The following RFC3 variants were observed in gnomAD, a reference collection of about 807,000 sequenced individuals.
RFC3 encodes the protein A1 38 kDa subunit.
A neutral mutation model predicts 45.1 loss-of-function variants in RFC3; 41 were observed. The observed-to-expected ratio is 0.91, with a 90% CI of 0.71 to 1.18. RFC3 has a LOEUF of 1.18. RFC3 is among the 50% of genes most tolerant of loss of function. The pLI, the probability that RFC3 is intolerant of heterozygous loss-of-function variation, is 0.00. For synonymous variants in RFC3, 149 were observed against 144.0 expected, an observed-to-expected ratio of 1.03 and a Z score of -0.25; for missense variants, 423 against 428.1, an observed-to-expected ratio of 0.99 and a Z score of 0.10.
exon 9 of RFC3, chr13:33,966,142 A>C (rs751534423): frequency 3.0e-5 from 48 of 1,597,348 alleles, no homozygotes; most frequent in Admixed American, 5.0e-5. Flanking sequence ...CCAAAGAACA[A>C]CTTGCTACTG....
At chr13:33,932,647 A>G (rs572466938) in intron 8 of RFC3, among the ~76,000 whole-genome samples, 15 of 152,302 alleles carry the variant, frequency 9.8e-5, no homozygotes, top group Non-Finnish European at 1.9e-4. Context: ...GTACAGAGAA[A>G]GAATTACTCT....
intron 7 of RFC3, 110 bp from the exon 8 acceptor site, chr13:33,835,038 A>G: frequency 1.6e-6 from 1 of 625,354 alleles, no homozygotes; most frequent in Non-Finnish European, 2.8e-6. Flanking sequence ...AAAGTTGTTA[A>G]TTCTGTATTG....
intron 8 of RFC3, among the ~76,000 whole-genome samples, chr13:33,946,430 A>G (rs1334609192): frequency 6.6e-6 from 1 of 152,202 alleles, no homozygotes; most frequent in East Asian, 1.9e-4. Context: ...AGGACTCCCA[A>G]GAGCTTTTGT....
intron 8 of RFC3, among the ~76,000 whole-genome samples, chr13:33,964,864 T>G (rs1443580808): frequency 6.6e-6 from 1 of 152,202 alleles, no homozygotes; most frequent in Non-Finnish European, 1.5e-5. Flanking sequence ...ATACAGGTGG[T>G]CTCTATGTCC....
At chr13:33,865,366 G>A (rs2082366680) in intron 8 of RFC3, among the ~76,000 whole-genome samples, 2 of 152,228 alleles carry the variant, frequency 1.3e-5, no homozygotes, top group African/African-American at 2.4e-5. Flanking sequence ...ACCCTCTCTA[G>A]TGACAGCTCT....
chr13:33,907,084 A>G (rs1468508948), intron 8 of RFC3, among the ~76,000 whole-genome samples: 1 of 152,188 alleles, frequency 6.6e-6, no homozygotes, highest in East Asian at 1.9e-4. Flanking sequence ...TCAGCCTCTC[A>G]GAATGCTGGG....
chr13:33,942,305 T>C (rs950428913), intron 8 of RFC3, among the ~76,000 whole-genome samples: 1 of 152,098 alleles, frequency 6.6e-6, no homozygotes, highest in African/African-American at 2.4e-5. Context: ...GAAGGTATTA[T>C]TTTATTTTAT....
chr13:33,829,462 A>G (rs1166061315), intron 4 of RFC3: 1 of 211,258 alleles, frequency 4.7e-6, no homozygotes, highest in Non-Finnish European at 9.3e-6. Flanking sequence ...TTTCTACTAC[A>G]AAGTGACCTT....
chr13:33,875,947 T>G (rs1231365291), intron 8 of RFC3, among the ~76,000 whole-genome samples: 1 of 152,110 alleles, frequency 6.6e-6, no homozygotes, highest in Admixed American at 6.5e-5. Flanking sequence ...AACTTGAAAG[T>G]GTTTAGTATA....
chr13:33,861,162 A>G (rs2137535883), intron 8 of RFC3, among the ~76,000 whole-genome samples: 1 of 152,344 alleles, frequency 6.6e-6, no homozygotes, highest in African/African-American at 2.4e-5. Flanking sequence ...CTTAAAAAAT[A>G]CTAAGGGGAA....
rs934727133 is a variant in RFC3, at chr13:33,818,167, A to C, written c.-12A>C. The C allele has an allele frequency of 2.5e-6, 4 of 1,609,666 alleles. No homozygotes were observed. Among genetic ancestry groups the C allele is most frequent in the Non-Finnish European group, 3.4e-6 (4 of 1,177,712 alleles). Reference sequence around the variant, plus strand: ...GATTTTCAAGCGTAGGCCCCCGGGAACTCGAGCTGCCATGAGCCTCTGGGT... The same window carrying C: ...GATTTTCAAGCGTAGGCCCCCGGGACCTCGAGCTGCCATGAGCCTCTGGGT... On this transcript the variant is annotated 5_prime_UTR_variant, in exon 1 of 9. Coordinates refer to ENST00000380071, the MANE Select transcript of RFC3 (RefSeq NM_002915.4).
intron 2 of RFC3, among the ~76,000 whole-genome samples, chr13:33,822,703 T>G (rs1047086083): frequency 6.6e-6 from 1 of 152,176 alleles, no homozygotes; most frequent in Non-Finnish European, 1.5e-5. Flanking sequence ...ATACAATTTA[T>G]AGAGATAAAT....
At chr13:33,873,694 C>T (rs953364033) in intron 8 of RFC3, among the ~76,000 whole-genome samples, 5 of 152,170 alleles carry the variant, frequency 3.3e-5, no homozygotes, top group African/African-American at 9.7e-5. Flanking sequence ...ACCCTTCACC[C>T]TCTTTTGCTC....
intron 8 of RFC3, among the ~76,000 whole-genome samples, chr13:33,904,120 CTTAT>C (rs67679983): frequency 0.11 from 17,286 of 151,916 alleles, 1,984 homozygotes; most frequent in African/African-American, 0.3. Flanking sequence ...AATTTTAACT[CTTAT>C]TTATTTGCTG....
chr13:33,955,149 C>A (rs2083014139), intron 8 of RFC3, among the ~76,000 whole-genome samples: 2 of 152,002 alleles, frequency 1.3e-5, no homozygotes, highest in African/African-American at 4.8e-5. Flanking sequence ...CACTGAGCTA[C>A]CAAGACGGAA....
intron 8 of RFC3, chr13:33,847,525 A>T (rs1566393193): frequency 6.6e-6 from 1 of 151,980 alleles, no homozygotes. Flanking sequence ...TAAGATTGTC[A>T]GCCATACCAG....
downstream of RFC3, among the ~76,000 whole-genome samples, chr13:33,839,048 CAG>C (rs1474000850): frequency 2.0e-5 from 3 of 152,132 alleles, no homozygotes; most frequent in Non-Finnish European, 4.4e-5. Context: ...ATGATGTGAA[CAG>C]AGTTTATACT....
chr13:33,909,453 G>A (rs1185306646), intron 8 of RFC3, among the ~76,000 whole-genome samples: 1 of 151,844 alleles, frequency 6.6e-6, no homozygotes, highest in Non-Finnish European at 1.5e-5. Context: ...TCTTTATTCT[G>A]CTCCTCTTCG....
At chr13:33,928,783 G>A (rs137884326) in intron 8 of RFC3, among the ~76,000 whole-genome samples, 16 of 151,974 alleles carry the variant, frequency 1.1e-4, no homozygotes, top group Non-Finnish European at 1.8e-4. Context: ...AACTAGGCAG[G>A]TATATGTCTG....
Sources: allele counts gnomAD v4.1 joint callset (sites outside exome capture counted in the v4.1 genomes callset), GRCh38; gene constraint gnomAD v4.1.1; transcripts MANE v1.5; gene names NCBI Gene and HGNC (gene_info 2026-07-23, HGNC 2026-07-21).